The following SEMA6D variants were observed in gnomAD, a reference collection of about 807,000 sequenced individuals.
SEMA6D encodes the protein semaphorin 6D.
SEMA6D carries 35 observed loss-of-function variants against 106.6 expected under a neutral mutation model. The observed-to-expected ratio is 0.33, with a 90% CI of 0.25 to 0.44. The LOEUF (loss-of-function observed/expected upper bound fraction) is 0.44. SEMA6D is among the 20% of genes least tolerant of loss of function. SEMA6D has a pLI of 1.00. For missense variants in SEMA6D, 1,185 were observed against 1,345.9 expected, an observed-to-expected ratio of 0.88 and a Z score of 1.87; for synonymous variants, 499 against 487.7, an observed-to-expected ratio of 1.02 and a Z score of -0.31.
At chr15:47,256,517 T>C (rs1745547261) in intron 1 of SEMA6D, among the ~76,000 whole-genome samples, 1 of 152,188 alleles carries the variant, frequency 6.6e-6, no homozygotes, top group Non-Finnish European at 1.5e-5. Context: ...ATATAGAAAT[T>C]GTGTTGATTG....
intron 4 of SEMA6D, among the ~76,000 whole-genome samples, chr15:47,645,658 C>A (rs531882538): frequency 3.9e-5 from 6 of 152,222 alleles, no homozygotes; most frequent in Admixed American, 6.5e-5. Context: ...GCACTGTCTA[C>A]CTGGAGATAG....
At chr15:47,220,373 T>A (rs1169249951) in intron 1 of SEMA6D, among the ~76,000 whole-genome samples, 1 of 152,176 alleles carries the variant, frequency 6.6e-6, no homozygotes, top group Non-Finnish European at 1.5e-5. Context: ...AGATATACAA[T>A]GGTTTATTTG....
At chr15:47,256,719 C>T (rs957551473) in intron 1 of SEMA6D, among the ~76,000 whole-genome samples, 9 of 151,968 alleles carry the variant, frequency 5.9e-5, no homozygotes, top group African/African-American at 2.2e-4. Flanking sequence ...ATTAGCCGGG[C>T]TTGGTGGTGC....
intron 4 of SEMA6D, among the ~76,000 whole-genome samples, chr15:47,706,190 A>G (rs2078909143): frequency 6.6e-6 from 1 of 152,110 alleles, no homozygotes; most frequent in African/African-American, 2.4e-5. Flanking sequence ...GTCAAACACT[A>G]TTTTTTCAAC....
At chr15:47,235,351 A>G (rs1375844291) in intron 1 of SEMA6D, among the ~76,000 whole-genome samples, 1 of 151,648 alleles carries the variant, frequency 6.6e-6, no homozygotes, top group Non-Finnish European at 1.5e-5. Context: ...GGTCCCATCA[A>G]TTTTTTTATT....
chr15:47,195,053 C>T (rs577907873), intron 1 of SEMA6D, among the ~76,000 whole-genome samples: 1 of 152,162 alleles, frequency 6.6e-6, no homozygotes, highest in Non-Finnish European at 1.5e-5. Context: ...AGAATCATTT[C>T]CAGATGCCTA....
chr15:47,301,361 A>G (rs2036009912), intron 1 of SEMA6D, among the ~76,000 whole-genome samples: 1 of 151,670 alleles, frequency 6.6e-6, no homozygotes, highest in African/African-American at 2.4e-5. Flanking sequence ...CATCCAGACT[A>G]TCTACTGTCA....
At chr15:47,589,399 G>A (rs1010443773) in intron 3 of SEMA6D, among the ~76,000 whole-genome samples, 3 of 152,238 alleles carry the variant, frequency 2.0e-5, no homozygotes, top group Admixed American at 6.5e-5. Flanking sequence ...AGGCCTTCCT[G>A]TTCCTGCTCC....
intron 1 of SEMA6D, among the ~76,000 whole-genome samples, chr15:47,190,359 C>G (rs947397313): frequency 6.6e-6 from 1 of 152,110 alleles, no homozygotes; most frequent in Non-Finnish European, 1.5e-5. Flanking sequence ...GAAAATTTAC[C>G]AAGTGTATTA....
intron 2 of SEMA6D, among the ~76,000 whole-genome samples, chr15:47,459,221 T>G (rs1331473158): frequency 6.6e-6 from 1 of 152,016 alleles, no homozygotes; most frequent in Non-Finnish European, 1.5e-5. Flanking sequence ...TGGCAAGGTG[T>G]GTAGACAGCT....
intron 4 of SEMA6D, among the ~76,000 whole-genome samples, chr15:47,658,089 T>C (rs1471315278): frequency 2.0e-5 from 3 of 152,182 alleles, no homozygotes; most frequent in Non-Finnish European, 4.4e-5. Flanking sequence ...TAATGTCTTA[T>C]TATAAGAATG....
chr15:47,461,350 A>G (rs954708273), intron 2 of SEMA6D, among the ~76,000 whole-genome samples: 4 of 151,260 alleles, frequency 2.6e-5, no homozygotes, highest in Non-Finnish European at 5.9e-5. Flanking sequence ...CCACACACAC[A>G]CTCTTGAATG....
intron 1 of SEMA6D, among the ~76,000 whole-genome samples, chr15:47,322,130 A>G (rs2036946203): frequency 6.6e-6 from 1 of 152,200 alleles, no homozygotes; most frequent in Non-Finnish European, 1.5e-5. Context: ...GCTTTATTTT[A>G]AAATAATGTT....
At position 47,508,034 on chromosome 15, in the gene SEMA6D, C is replaced by A. The variant is rs76649032; in HGVS notation, c.-87+37489C>A. 8.0e-3 allele frequency among the ~76,000 whole-genome samples: 1,218 copies of A among 152,274 alleles called. 15 individuals carry two copies. Among genetic ancestry groups the A allele is most frequent in the African/African-American group, 0.028 (1,161 of 41,554 alleles). On this transcript the variant is annotated intron_variant, in intron 3 of 19. Transcript: ENST00000558014. Reference sequence around the variant, plus strand: ...TTAATATCATAACCATGCAATACTGCCTATGAAATGACAGAAAATCCTCTG... The same window carrying A: ...TTAATATCATAACCATGCAATACTGACTATGAAATGACAGAAAATCCTCTG...
At chr15:47,595,340 T>A (rs2076513024) in intron 3 of SEMA6D, among the ~76,000 whole-genome samples, 1 of 152,178 alleles carries the variant, frequency 6.6e-6, no homozygotes, top group African/African-American at 2.4e-5. Context: ...AGCATATGGT[T>A]TTTGTCCTTC....
At chr15:47,417,060 A>T (rs1449899589) in intron 2 of SEMA6D, among the ~76,000 whole-genome samples, 1 of 152,116 alleles carries the variant, frequency 6.6e-6, no homozygotes, top group African/African-American at 2.4e-5. Flanking sequence ...TGATAAAGGC[A>T]ATCTTTTTTA....
At chr15:47,701,988 T>C (rs2078822495) in intron 4 of SEMA6D, among the ~76,000 whole-genome samples, 1 of 152,234 alleles carries the variant, frequency 6.6e-6, no homozygotes, top group African/African-American at 2.4e-5. Context: ...CGGTCAAAAC[T>C]AGTCAAAAGT....
At chr15:47,694,659 A>G (rs1333090596) in intron 4 of SEMA6D, among the ~76,000 whole-genome samples, 1 of 152,070 alleles carries the variant, frequency 6.6e-6, no homozygotes, top group Non-Finnish European at 1.5e-5. Context: ...ACAAATAGCA[A>G]TATTTTTCCT....
chr15:47,335,179 T>C (rs1331265736), intron 1 of SEMA6D, among the ~76,000 whole-genome samples: 2 of 152,244 alleles, frequency 1.3e-5, no homozygotes, highest in East Asian at 3.9e-4. Context: ...AAAGGAATTA[T>C]CTCGTTTTGT....
Sources: allele counts gnomAD v4.1 joint callset (sites outside exome capture counted in the v4.1 genomes callset), GRCh38; gene constraint gnomAD v4.1.1; transcripts MANE v1.5; gene names NCBI Gene and HGNC (gene_info 2026-07-23, HGNC 2026-07-21).